Variants in FRMPD4 observed in about 807,000 individuals in gnomAD.
FRMPD4 encodes the protein FERM and PDZ domain-containing protein 4.
A neutral mutation model predicts 94.1 loss-of-function variants in FRMPD4; 22 were observed. That is an observed-to-expected ratio of 0.23 (90% CI 0.17 to 0.33). The LOEUF (loss-of-function observed/expected upper bound fraction) is 0.33, where lower values mean the gene tolerates loss of function less well. Among genes scored for constraint, FRMPD4 ranks in the 10% least tolerant of loss-of-function variants. FRMPD4 has a pLI of 1.00. For synonymous variants in FRMPD4, 631 were observed against 548.6 expected, an observed-to-expected ratio of 1.15 and a Z score of -2.10; for missense variants, 1,111 against 1,339.9, an observed-to-expected ratio of 0.83 and a Z score of 2.67.
rs374320192 is a variant in FRMPD4, at chrX:12,110,110, C to A, written c.95+232092C>A. Among the ~76,000 whole-genome samples, 157 of 111,400 alleles carry A rather than the reference C, an allele frequency of 1.4e-3. 1 individual carries two copies. Among genetic ancestry groups the A allele is most frequent in the African/African-American group, 4.8e-3 (148 of 30,680 alleles). ...CCTGATACCAAAGCCTGATACAGAC[C>A]AATAAAAAAAGAGAATTTTAGACTG... On this transcript the variant is annotated intron_variant, in intron 3 of 18. Coordinates refer to the FRMPD4 transcript ENST00000640291.
At chrX:11,917,550 C>T (rs951958795) in intron 3 of FRMPD4, among the ~76,000 whole-genome samples, 1 of 112,062 alleles carries the variant, frequency 8.9e-6, no homozygotes, top group Admixed American at 9.4e-5. Flanking sequence ...CCATGGAATA[C>T]CATACAACCA....
At chrX:12,256,591 C>T (rs144096426) in intron 1 of FRMPD4, among the ~76,000 whole-genome samples, 1,136 of 111,864 alleles carry the variant, frequency 0.01, 10 homozygotes, top group African/African-American at 0.034. Flanking sequence ...CAGTAATAGT[C>T]AGGCCTGTTC....
chrX:12,458,097 C>T (rs1022042560), intron 1 of FRMPD4, among the ~76,000 whole-genome samples: 2 of 112,019 alleles, frequency 1.8e-5, no homozygotes, highest in African/African-American at 6.5e-5. Flanking sequence ...AGGGTGCCTA[C>T]ATGATCAGCA....
At chrX:12,560,004 T>C (rs2058636225) in intron 2 of FRMPD4, among the ~76,000 whole-genome samples, 1 of 72,990 alleles carries the variant, frequency 1.4e-5, no homozygotes. Context: ...TTCAGATAGA[T>C]GATTTATTGA....
chrX:12,166,130 G>A (rs772226718), intron 1 of FRMPD4, among the ~76,000 whole-genome samples: 11 of 111,825 alleles, frequency 9.8e-5, no homozygotes, highest in Non-Finnish European at 1.5e-4. Flanking sequence ...TCTTGTGCCA[G>A]TTTTCAAAGG....
intron 1 of FRMPD4, among the ~76,000 whole-genome samples, chrX:12,168,097 A>G (rs1364821109): frequency 1.8e-5 from 2 of 110,983 alleles, no homozygotes; most frequent in Admixed American, 1.9e-4. Context: ...CCCCCACACA[A>G]CAAAAAATGA....
chrX:12,107,564 G>GTTGAGAGAAGAAGGCTTCAGATGA (rs1200170910), intron 3 of FRMPD4, among the ~76,000 whole-genome samples: 1 of 112,250 alleles, frequency 8.9e-6, no homozygotes, highest in Non-Finnish European at 1.9e-5. Flanking sequence ...ACTTTGATGA[G>GTTGAGAGAAGAAGGCTTCAGATGA]TTGAGAGAAG....
intron 2 of FRMPD4, among the ~76,000 whole-genome samples, chrX:12,592,444 C>T (rs1166636199): frequency 8.9e-6 from 1 of 111,855 alleles, no homozygotes; most frequent in Non-Finnish European, 1.9e-5. Flanking sequence ...CCTTTCTGCC[C>T]CTACACACTT....
In FRMPD4 at chrX:11,895,748, G is replaced by C. The variant is rs953421819; in HGVS notation, c.95+17730G>C. On this transcript the variant is annotated intron_variant, in intron 3 of 18. Transcript: ENST00000640291. ...TAGTCTTCCATTAGCTGCCTACCTG[G>C]GGCCTGTGTGCCAAGTTGTTCTAGA... Among the ~76,000 whole-genome samples, 3 of 111,384 alleles carry C rather than the reference G, an allele frequency of 2.7e-5. No individual in the cohort carries two copies. The East Asian group carries it at 8.4e-4, about 31-fold the overall frequency.
chrX:12,576,699 G>A (rs2058814946), intron 2 of FRMPD4, among the ~76,000 whole-genome samples: 1 of 112,712 alleles, frequency 8.9e-6, no homozygotes, highest in African/African-American at 3.2e-5. Context: ...TGGGGTATTC[G>A]GATGGGGCTC....
In FRMPD4 at chrX:12,626,315, A is replaced by G. The variant is rs747312687; in HGVS notation, c.422+11434A>G. Among the ~76,000 whole-genome samples, 12 of 90,180 alleles carry G rather than the reference A, an allele frequency of 1.3e-4. No individual in the cohort carries two copies. The East Asian group carries it at 3.7e-3, about 28-fold the overall frequency. 78.3% of individuals were successfully genotyped at this position (90,180 alleles called of 115,157 possible). A position where few individuals can be genotyped will look rare whatever the true frequency, so the allele number is the denominator to read the frequency against. ...TGCACAGCCTGGGTGACAAAGTGAG[A>G]TCCTGTCTCAAAAAAAAAAAAAAAT... On this transcript the variant is annotated intron_variant, in intron 4 of 16. Transcript: ENST00000675598.
At chrX:12,048,985 A>G (rs192262111) in intron 3 of FRMPD4, among the ~76,000 whole-genome samples, 28 of 111,730 alleles carry the variant, frequency 2.5e-4, no homozygotes, top group Non-Finnish European at 4.9e-4. Context: ...TTTTGGTTAC[A>G]TATGAATTTT....
At chrX:12,084,180 G>T (rs1161662834) in intron 3 of FRMPD4, among the ~76,000 whole-genome samples, 7 of 100,618 alleles carry the variant, frequency 7.0e-5, no homozygotes, top group South Asian at 5.2e-4. Flanking sequence ...GACCCAGTGG[G>T]GGGGGGGGTA....
chrX:12,386,593 C>T (rs2056400487), intron 1 of FRMPD4, among the ~76,000 whole-genome samples: 1 of 111,775 alleles, frequency 8.9e-6, no homozygotes, highest in African/African-American at 3.3e-5. Context: ...GAATTATCTG[C>T]TCCTCTGCTT....
intron 3 of FRMPD4, among the ~76,000 whole-genome samples, chrX:11,883,825 G>A (rs1275092135): frequency 8.9e-6 from 1 of 112,212 alleles, no homozygotes; most frequent in Non-Finnish European, 1.9e-5. Flanking sequence ...CATAGGCCAA[G>A]TTATTGGGTC....
intron 4 of FRMPD4, among the ~76,000 whole-genome samples, chrX:12,626,158 C>T (rs1304926937): frequency 9.1e-6 from 1 of 109,554 alleles, no homozygotes; most frequent in African/African-American, 3.3e-5. Flanking sequence ...GAGACCTGGT[C>T]TCTACAAAAA....
chrX:11,914,251 T>C (rs1487195767), intron 3 of FRMPD4, among the ~76,000 whole-genome samples: 2 of 110,672 alleles, frequency 1.8e-5, no homozygotes, highest in African/African-American at 6.6e-5. Flanking sequence ...AATTATGATG[T>C]CCTTTGAATA....
intron 1 of FRMPD4, among the ~76,000 whole-genome samples, chrX:12,219,697 T>C (rs932816472): frequency 5.3e-5 from 6 of 112,387 alleles, no homozygotes; most frequent in African/African-American, 1.9e-4. Context: ...AGAAAAATAC[T>C]GTCTTAAAGC....
At chrX:12,716,005 A>ACCCCCCCC in intron 14 of FRMPD4, 64 bp from the exon 15 acceptor site, 1 of 134,926 alleles carries the variant, frequency 7.4e-6, no homozygotes, top group Non-Finnish European at 1.5e-5. Context: ...CGAGCCTCCC[A>ACCCCCCCC]CCCCCGCCCC....
Sources: allele counts gnomAD v4.1 joint callset (sites outside exome capture counted in the v4.1 genomes callset), GRCh38; gene constraint gnomAD v4.1.1; transcripts MANE v1.5; gene names NCBI Gene and HGNC (gene_info 2026-07-23, HGNC 2026-07-21).